NTM: variants seen among roughly 807,000 people sequenced by gnomAD.
The protein encoded by NTM is IgLON family member 2.
In NTM, 13 loss-of-function variants were observed where a neutral mutation model predicts 42.1. The observed-to-expected ratio is 0.31, with a 90% CI of 0.20 to 0.49. NTM has a LOEUF of 0.49. Ranked by LOEUF, NTM falls within the 20% of genes least tolerant of loss-of-function variation. NTM has a pLI of 0.99. For missense variants in NTM, 373 were observed against 452.8 expected (o/e 0.82, Z 1.60); for synonymous variants, 187 against 179.2 (o/e 1.04, Z -0.35).
In NTM at chr11:131,661,268, G is replaced by A. The variant is rs762484639; in HGVS notation, c.83-250296G>A. 1.0e-5 allele frequency: 3 copies of A among 300,128 alleles called. No homozygotes were observed. In the South Asian group the frequency reaches 1.1e-4, roughly 11 times the overall value. The allele number at this position is 300,128 out of a possible 1,614,324, so 18.6% of individuals were successfully genotyped here. ...CTGGGTGAAGTTCCAAGTCAGAAAG[G>A]ATTTGAGGTTTTGCACGCTAATGCT... On this transcript the variant is annotated intron_variant, in intron 1 of 8. Transcript: ENST00000683400.
chr11:131,967,461 A>G (rs1308473157), intron 2 of NTM, among the ~76,000 whole-genome samples: 1 of 152,112 alleles, frequency 6.6e-6, no homozygotes, highest in Non-Finnish European at 1.5e-5. Flanking sequence ...CGCTGAGGTC[A>G]TGTGTAGGTT....
intron 1 of NTM, among the ~76,000 whole-genome samples, chr11:131,616,330 G>A (rs1378005408): frequency 2.0e-5 from 3 of 152,188 alleles, no homozygotes; most frequent in Non-Finnish European, 2.9e-5. Context: ...GGGAGTTGGA[G>A]GACAGAGGAA....
At chr11:131,843,072 C>T (rs1048686412) in intron 1 of NTM, among the ~76,000 whole-genome samples, 4 of 151,876 alleles carry the variant, frequency 2.6e-5, no homozygotes, top group African/African-American at 9.7e-5. Context: ...TATGAATATT[C>T]CAAACATATA....
rs768699630 is a variant in NTM, at chr11:132,003,493, G to A, written c.167+91845G>A. Among the ~76,000 whole-genome samples the A allele has an allele frequency of 3.9e-5, 6 of 152,028 alleles. No individual in the cohort carries two copies. Among genetic ancestry groups the A allele is most frequent in the Non-Finnish European group, 5.9e-5 (4 of 68,014 alleles). On this transcript the variant is annotated intron_variant, in intron 2 of 8. Transcript: ENST00000683400. This position sits in a 1 kb window ranked among gnomAD's most constrained non-coding sequence, Gnocchi z 6.0. Reference sequence around the variant, plus strand: ...GTTCCTGGGCTCAAGCGATCCTTCTGGCTCAGACCTCCAATGTGCTGGGAT... The same window carrying A: ...GTTCCTGGGCTCAAGCGATCCTTCTAGCTCAGACCTCCAATGTGCTGGGAT...
At chr11:131,935,611 A>C (rs1565774933) in intron 2 of NTM, among the ~76,000 whole-genome samples, 1 of 152,018 alleles carries the variant, frequency 6.6e-6, no homozygotes, top group Non-Finnish European at 1.5e-5. Context: ...TGGGGGAGGG[A>C]AGGGGAGGGT....
chr11:131,589,094 A>C (rs115519780), intron 1 of NTM, among the ~76,000 whole-genome samples: 2,349 of 152,122 alleles, frequency 0.015, 62 homozygotes, highest in African/African-American at 0.053. Context: ...GACAGGTGGC[A>C]TGATAAATTA....
intron 7 of NTM, among the ~76,000 whole-genome samples, chr11:132,320,140 GGTAGATAAAACC>G (rs1446337479): frequency 2.0e-5 from 3 of 152,156 alleles, no homozygotes; most frequent in Non-Finnish European, 4.4e-5. Context: ...AAAGACCAAA[GGTAGATAAAACC>G]ACAAAGATGG....
rs954235009 is a variant in NTM, at chr11:132,321,430, A to G, written c.934+6727A>G. Among the ~76,000 whole-genome samples the G allele has an allele frequency of 2.5e-4, 38 of 152,320 alleles. 1 individual carries two copies. The highest frequency in any genetic ancestry group is 8.2e-4 in the African/African-American group (34 of 41,580). Reference sequence around the variant, plus strand: ...TCAACTGGAAGAAAGGGTATCAGCAATGGAAGATGAAATGAATGAAATGAA... The same window carrying G: ...TCAACTGGAAGAAAGGGTATCAGCAGTGGAAGATGAAATGAATGAAATGAA... On this transcript the variant is annotated intron_variant, in intron 7 of 8. Coordinates refer to ENST00000683400, the MANE Select transcript of NTM (RefSeq NM_001352005.2).
At chr11:131,816,830 G>T (rs566804529) in intron 1 of NTM, among the ~76,000 whole-genome samples, 1 of 127,838 alleles carries the variant, frequency 7.8e-6, no homozygotes, top group African/African-American at 3.1e-5. Context: ...TAGGTCAAGG[G>T]TCCATACTTA....
In NTM at chr11:131,860,517, G is replaced by A. The variant is rs965422637; in HGVS notation, c.83-51047G>A. On this transcript the variant is annotated intron_variant, in intron 1 of 8. Coordinates refer to ENST00000683400, the MANE Select transcript of NTM (RefSeq NM_001352005.2). The stretch of plus-strand genomic sequence containing the variant: ...GTCTTAACTGGACGCTGGTCATATC[G>A]TCACCCTCTCCCTAGCACTTACTAA... Among the ~76,000 whole-genome samples the A allele has an allele frequency of 7.9e-5, 12 of 152,260 alleles. 1 individual carries two copies. In the South Asian group the frequency reaches 8.3e-4, roughly 11 times the overall value.
intron 4 of NTM, among the ~76,000 whole-genome samples, chr11:132,278,743 T>TTTC (rs1555063277): frequency 1.4e-5 from 2 of 137,994 alleles, no homozygotes; most frequent in African/African-American, 5.4e-5. Flanking sequence ...TCATTTGGGC[T>TTTC]TCTCTCTCTC....
At chr11:131,684,735 G>A (rs1420669928) in intron 1 of NTM, among the ~76,000 whole-genome samples, 1 of 152,192 alleles carries the variant, frequency 6.6e-6, no homozygotes, top group Non-Finnish European at 1.5e-5. Flanking sequence ...GAGAGCAGAG[G>A]GCCTCTGGAG....
At chr11:131,519,557 T>C (rs1459819017) in intron 1 of NTM, among the ~76,000 whole-genome samples, 3 of 147,270 alleles carry the variant, frequency 2.0e-5, no homozygotes, top group Non-Finnish European at 3.0e-5. Flanking sequence ...CAGGTCTTCA[T>C]AGGAGGCTGC....
chr11:132,149,263 T>C (rs76165797), intron 3 of NTM, among the ~76,000 whole-genome samples: 9,357 of 142,930 alleles, frequency 0.065, 472 homozygotes, highest in African/African-American at 0.15. Context: ...GAAATATATT[T>C]ATCTTGGGAT....
At chr11:131,514,546 T>A (rs777674973) in intron 1 of NTM, among the ~76,000 whole-genome samples, 43 of 152,180 alleles carry the variant, frequency 2.8e-4, no homozygotes, top group Admixed American at 4.6e-4. Context: ...GTTACTTTTT[T>A]AAAAAAATTA....
At chr11:131,754,556 C>A (rs2083060627) in intron 1 of NTM, among the ~76,000 whole-genome samples, 1 of 151,062 alleles carries the variant, frequency 6.6e-6, no homozygotes, top group Non-Finnish European at 1.5e-5. Context: ...ACCTGGAAGA[C>A]AGAGGTTGCA....
chr11:131,616,778 G>GTGTGTGTGTGTGTGTGTGT (rs1555166353), intron 1 of NTM, among the ~76,000 whole-genome samples: 69 of 141,978 alleles, frequency 4.9e-4, no homozygotes, highest in African/African-American at 1.4e-3. Context: ...GTCTTGAGGG[G>GTGTGTGTGTGTGTGTGTGT]GTGTGTGTGT....
At chr11:131,896,346 TAA>T (rs1372116056) in intron 1 of NTM, among the ~76,000 whole-genome samples, 2 of 152,120 alleles carry the variant, frequency 1.3e-5, no homozygotes, top group Admixed American at 1.3e-4. Context: ...GATAATAATA[TAA>T]ATGTAAAATA....
intron 2 of NTM, among the ~76,000 whole-genome samples, chr11:132,004,971 A>G (rs2070422780): frequency 6.6e-6 from 1 of 152,174 alleles, no homozygotes; most frequent in Admixed American, 6.5e-5. Flanking sequence ...CTTACCACGC[A>G]GAATGACAAC....
Sources: gnomAD v4.1 joint callset for allele counts (sites outside exome capture counted in the v4.1 genomes callset) on GRCh38, gnomAD v4.1.1 for gene constraint, Gnocchi (gnomAD v3.1) non-coding constraint, MANE v1.5 for transcripts, NCBI Gene and HGNC (gene_info 2026-07-23, HGNC 2026-07-21) for gene names.